Variants in MSRA observed in about 807,000 individuals in gnomAD.
MSRA encodes the protein mitochondrial peptide methionine sulfoxide reductase.
In MSRA, 54 loss-of-function variants were observed where a neutral mutation model predicts 31.3. The observed-to-expected ratio is 1.73, with a 90% confidence interval of 1.39 to 2.17. The LOEUF (loss-of-function observed/expected upper bound fraction) is 2.17, where lower values mean the gene tolerates loss of function less well. MSRA is among the 30% of genes most tolerant of loss of function. MSRA has a pLI of 0.00. For synonymous variants in MSRA, 169 were observed against 116.5 expected (o/e 1.45, Z -2.90); for missense variants, 507 against 300.9 (o/e 1.69, Z -5.07).
At chr8:10,099,354 C>A (rs1799386363) in intron 1 of MSRA, among the ~76,000 whole-genome samples, 1 of 152,078 alleles carries the variant, frequency 6.6e-6, no homozygotes, top group South Asian at 2.1e-4. Flanking sequence ...GCAGATACTC[C>A]CAGAGGACTT....
chr8:10,086,922 T>A (rs1798588842), intron 1 of MSRA, among the ~76,000 whole-genome samples: 1 of 146,526 alleles, frequency 6.8e-6, no homozygotes, highest in South Asian at 2.2e-4. Flanking sequence ...GAGAGGAGAA[T>A]GAGAATGAGA....
chr8:10,296,243 A>G (rs1046722832), intron 3 of MSRA, among the ~76,000 whole-genome samples: 1 of 152,208 alleles, frequency 6.6e-6, no homozygotes, highest in African/African-American at 2.4e-5. Flanking sequence ...ACTTACAGAG[A>G]TAAAATTCAG....
intron 1 of MSRA, among the ~76,000 whole-genome samples, chr8:10,156,809 C>CTTTT (rs58761026): frequency 3.2e-5 from 4 of 125,072 alleles, no homozygotes; most frequent in South Asian, 2.7e-4. Context: ...AGCTTCATTC[C>CTTTT]TTTTTTTTTT....
At chr8:10,252,976 A>ACATG (rs1380993825) in intron 3 of MSRA, among the ~76,000 whole-genome samples, 1 of 152,206 alleles carries the variant, frequency 6.6e-6, no homozygotes, top group Non-Finnish European at 1.5e-5. Flanking sequence ...GCTGATAGGT[A>ACATG]GTTCAAAGTT....
intron 5 of MSRA, among the ~76,000 whole-genome samples, chr8:10,404,890 G>A (rs1807705214): frequency 6.6e-6 from 1 of 152,184 alleles, no homozygotes; most frequent in Non-Finnish European, 1.5e-5. Flanking sequence ...TAGTGTGTGT[G>A]GTAAGCGGCA....
intron 1 of MSRA, among the ~76,000 whole-genome samples, chr8:10,140,178 C>A (rs966115291): frequency 6.6e-6 from 1 of 152,152 alleles, no homozygotes; most frequent in Non-Finnish European, 1.5e-5. Flanking sequence ...CAGAGGGATA[C>A]TCAGCAAGTC....
intron 5 of MSRA, among the ~76,000 whole-genome samples, chr8:10,354,418 C>G (rs985254270): frequency 6.6e-6 from 1 of 152,148 alleles, no homozygotes; most frequent in Non-Finnish European, 1.5e-5. Context: ...TTCTAAGGAG[C>G]TTTCTGGAGG....
intron 4 of MSRA, among the ~76,000 whole-genome samples, chr8:10,309,637 C>T (rs1801327874): frequency 6.6e-6 from 1 of 152,202 alleles, no homozygotes; most frequent in Admixed American, 6.5e-5. Flanking sequence ...TGGGCTGCAC[C>T]GTCTATGCTG....
At chr8:10,113,289 C>CCTTTT (rs1554447231) in intron 1 of MSRA, among the ~76,000 whole-genome samples, 1 of 50,898 alleles carries the variant, frequency 2.0e-5, no homozygotes, top group Admixed American at 2.9e-4. Context: ...GAAGACAGGT[C>CCTTTT]TTCTTTTTTT....
chr8:10,108,354 A>G (rs929264264), intron 1 of MSRA, among the ~76,000 whole-genome samples: 28 of 152,098 alleles, frequency 1.8e-4, no homozygotes, highest in African/African-American at 6.3e-4. Flanking sequence ...GGTGGGAGGT[A>G]CCACCCTAGT....
intron 1 of MSRA, among the ~76,000 whole-genome samples, chr8:10,063,414 C>T (rs901028040): frequency 6.6e-5 from 10 of 152,246 alleles, no homozygotes; most frequent in African/African-American, 9.6e-5. Context: ...ATGCTGGACA[C>T]TTGCTGTAAT....
intron 1 of MSRA, among the ~76,000 whole-genome samples, chr8:10,129,014 C>G (rs1484641): frequency 1.3e-5 from 2 of 151,996 alleles, no homozygotes; most frequent in African/African-American, 4.8e-5. Flanking sequence ...AATTTTCTCA[C>G]GAGTTTGCAA....
chr8:10,107,220 T>G (rs1483022195), intron 1 of MSRA, among the ~76,000 whole-genome samples: 1 of 138,006 alleles, frequency 7.2e-6, no homozygotes, highest in Non-Finnish European at 1.6e-5. Flanking sequence ...AAAATTCACA[T>G]TTTTTAGAGA....
At chr8:10,394,075 A>G (rs907494722) in intron 5 of MSRA, among the ~76,000 whole-genome samples, 2 of 152,196 alleles carry the variant, frequency 1.3e-5, no homozygotes, top group African/African-American at 4.8e-5. Flanking sequence ...AGCGACAGGA[A>G]CTATGAGCTA....
intron 2 of MSRA, among the ~76,000 whole-genome samples, chr8:10,218,271 G>A (rs1810182363): frequency 6.6e-6 from 1 of 151,860 alleles, no homozygotes; most frequent in African/African-American, 2.4e-5. Flanking sequence ...TCAGCCTCCT[G>A]AGTAGCTGGG....
rs116431620 is a variant in MSRA, at chr8:10,360,665, A to T, written c.543+40676A>T. Among the ~76,000 whole-genome samples, 1,479 of 152,138 alleles carry T rather than the reference A, an allele frequency of 9.7e-3. 24 individuals are homozygous for T. The highest frequency in any genetic ancestry group is 0.034 in the African/African-American group (1,426 of 41,490). The stretch of plus-strand genomic sequence containing the variant: ...CGAAACTGTCTAACTCTGGGTTTGA[A>T]CTCCAGCCCCAAAGCAGGCACAATT... On this transcript the variant is annotated intron_variant, in intron 5 of 5. Coordinates refer to ENST00000317173, the MANE Select transcript of MSRA (RefSeq NM_012331.5).
intron 3 of MSRA, among the ~76,000 whole-genome samples, chr8:10,295,154 G>T (rs1800464673): frequency 6.6e-6 from 1 of 152,064 alleles, no homozygotes; most frequent in Non-Finnish European, 1.5e-5. Context: ...CTGTGTTTGG[G>T]CAATGAGACT....
intron 3 of MSRA, among the ~76,000 whole-genome samples, chr8:10,296,099 G>A (rs760473946): frequency 6.6e-6 from 1 of 152,150 alleles, no homozygotes; most frequent in Non-Finnish European, 1.5e-5. Context: ...GAGAATCTGG[G>A]CCTTTCTAGG....
At chr8:10,205,460 G>C (rs946506513) in intron 1 of MSRA, among the ~76,000 whole-genome samples, 1 of 152,136 alleles carries the variant, frequency 6.6e-6, no homozygotes, top group Non-Finnish European at 1.5e-5. Flanking sequence ...TGGCACAGAA[G>C]CTGGTTTGGG....
Sources: gnomAD v4.1 joint callset for allele counts (sites outside exome capture counted in the v4.1 genomes callset) on GRCh38, gnomAD v4.1.1 for gene constraint, MANE v1.5 for transcripts, NCBI Gene and HGNC (gene_info 2026-07-23, HGNC 2026-07-21) for gene names.